EVL: variants seen among roughly 807,000 people sequenced by gnomAD.
The protein encoded by EVL is Enah/Vasp-like.
Under a neutral mutation model 59.6 loss-of-function variants are expected in EVL, and 21 were observed. The observed-to-expected ratio is 0.35, with a 90% CI of 0.25 to 0.51. The LOEUF is 0.51. Ranked by LOEUF, EVL falls within the 20% of genes least tolerant of loss-of-function variation. The pLI is 0.97. For missense variants in EVL, 462 were observed against 546.6 expected (o/e 0.85, Z 1.54); for synonymous variants, 198 against 203.5 (o/e 0.97, Z 0.23).
At chr14:100,141,821 G>T (rs1889186313) in intron 13 of EVL, 28 bp downstream of exon 13, 1 of 1,607,698 alleles carries the variant, frequency 6.2e-7, no homozygotes, top group Admixed American at 1.7e-5. Flanking sequence ...GGGGAGGGTG[G>T]CACCCAGGTG....
Position 100,109,465 on chromosome 14 carries a change from T to C in EVL, c.358+11807T>C. On this transcript the variant is annotated intron_variant, in intron 3 of 13. Coordinates refer to ENST00000392920, the MANE Select transcript of EVL (RefSeq NM_016337.3). This position sits in a 1 kb window ranked among gnomAD's most constrained non-coding sequence, Gnocchi z 4.3. ...ACTGTGAGCTCCTCGAGGGCAGGTG[T>C]CTGTTTCTGTGTCTCGGGAGCCCTG... 2.5e-6 allele frequency: 1 copy of C among 407,314 alleles called. No individual in the cohort carries two copies. The highest frequency in any genetic ancestry group is 5.0e-6 in the Non-Finnish European group (1 of 200,300). 25.2% of individuals were successfully genotyped at this position (407,314 alleles called of 1,614,324 possible). A position where few individuals can be genotyped will look rare whatever the true frequency, so the allele number is the denominator to read the frequency against.
intron 1 of EVL, among the ~76,000 whole-genome samples, chr14:100,007,122 G>C (rs1443224868): frequency 6.6e-6 from 1 of 152,044 alleles, no homozygotes; most frequent in Non-Finnish European, 1.5e-5. Context: ...GCCTCAACAG[G>C]TCCTGACGAT....
intron 1 of EVL, among the ~76,000 whole-genome samples, chr14:100,059,583 G>A (rs79847358): frequency 3.9e-5 from 6 of 152,324 alleles, no homozygotes; most frequent in Non-Finnish European, 8.8e-5. Flanking sequence ...GCTGAATGAT[G>A]ATGCCAGAGG....
intron 1 of EVL, chr14:99,978,051 C>T (rs1449566754): frequency 1.4e-5 from 2 of 147,052 alleles, no homozygotes; most frequent in Admixed American, 6.9e-5. Flanking sequence ...AAGCTGAGAT[C>T]TTGCCATTGT....
intron 1 of EVL, among the ~76,000 whole-genome samples, chr14:100,073,033 C>T (rs566428005): frequency 2.6e-5 from 4 of 152,254 alleles, no homozygotes; most frequent in African/African-American, 7.2e-5. Flanking sequence ...GCTGTGATTT[C>T]AAGCGTCTCT....
intron 1 of EVL, among the ~76,000 whole-genome samples, chr14:99,979,862 T>A (rs1025614197): frequency 6.6e-6 from 1 of 152,200 alleles, no homozygotes; most frequent in Non-Finnish European, 1.5e-5. Context: ...AGAGCGAGAC[T>A]CCGTCTCAAA....
intron 1 of EVL, among the ~76,000 whole-genome samples, chr14:100,020,017 T>C (rs2061093152): frequency 6.6e-6 from 1 of 152,212 alleles, no homozygotes; most frequent in Admixed American, 6.5e-5. Context: ...AGAATGAGTC[T>C]CTTGCTATCT....
At chr14:100,104,871 G>A (rs568653013) in intron 3 of EVL, among the ~76,000 whole-genome samples, 2 of 148,920 alleles carry the variant, frequency 1.3e-5, no homozygotes, top group Admixed American at 1.3e-4. Flanking sequence ...AAGGGTTTTA[G>A]GGGTATATAA....
rs2140415351 is a variant in EVL at position 100,143,950 on chromosome 14, G to A, written c.*212G>A. ...AGATTCTGCCTGACACGGAACACCA[G>A]GTCTGCTCGTCTTTTTTGTGTTTTA... On this transcript the variant is annotated 3_prime_UTR_variant, in exon 14 of 14. Transcript: ENST00000392920. 3.6e-6 allele frequency: 2 copies of A among 561,276 alleles called. No homozygotes were observed. The highest frequency in any genetic ancestry group is 2.7e-4 in the Middle Eastern group (1 of 3,716). The allele number at this position is 561,276 out of a possible 1,614,324, so 34.8% of individuals were successfully genotyped here. A position where few individuals can be genotyped will look rare whatever the true frequency, so the allele number is the denominator to read the frequency against.
chr14:100,008,755 A>G lies in EVL; in HGVS notation c.5+36698A>G, dbSNP rs58901752. Among the ~76,000 whole-genome samples, 1,699 of 152,288 alleles carry G rather than the reference A, an allele frequency of 0.011. 81 individuals are homozygous for G. The East Asian group carries it at 0.16, about 14-fold the overall frequency. On this transcript the variant is annotated intron_variant, in intron 1 of 13. Coordinates refer to the EVL transcript ENST00000402714. ...CAGTGTGGCATTAGCAATCCGTGGG[A>G]AGGTCTTAATCAATTTGTCCTTGTA...
chr14:100,049,150 C>G (rs2061605645), intron 1 of EVL, among the ~76,000 whole-genome samples: 1 of 152,192 alleles, frequency 6.6e-6, no homozygotes, highest in Admixed American at 6.5e-5. Flanking sequence ...TATTATGTTC[C>G]TTTGGATTTA....
chr14:99,989,719 A>G (rs908418331), intron 1 of EVL, among the ~76,000 whole-genome samples: 4 of 152,320 alleles, frequency 2.6e-5, no homozygotes, highest in Non-Finnish European at 4.4e-5. Context: ...GACCATTTTC[A>G]TTATTGTGGA....
chr14:100,060,612 C>G (rs1196030729), upstream of EVL, among the ~76,000 whole-genome samples: 1 of 151,994 alleles, frequency 6.6e-6, no homozygotes, highest in African/African-American at 2.4e-5. Flanking sequence ...TTACCAGTGC[C>G]TTGTGATAAT....
At chr14:100,129,533 A>C in intron 6 of EVL, 30 bp from the exon 7 acceptor site, 7 of 1,612,256 alleles carry the variant, frequency 4.3e-6, no homozygotes, top group Non-Finnish European at 5.1e-6. Context: ...TCAGCAGCAG[A>C]ATCTAAAACG....
chr14:100,061,813 GA>G (rs1277688585), upstream of EVL, among the ~76,000 whole-genome samples: 1 of 152,094 alleles, frequency 6.6e-6, no homozygotes, highest in Non-Finnish European at 1.5e-5. Context: ...AATCATAGGT[GA>G]AAATATGTTT....
intron 1 of EVL, among the ~76,000 whole-genome samples, chr14:100,068,891 T>G (rs543104272): frequency 6.6e-6 from 1 of 152,076 alleles, no homozygotes; most frequent in Non-Finnish European, 1.5e-5. Flanking sequence ...AAACGTGATA[T>G]GGATGTGTGA....
At chr14:100,019,602 A>G in intron 1 of EVL, 2 of 1,431,728 alleles carry the variant, frequency 1.4e-6, no homozygotes, top group Non-Finnish European at 1.9e-6. Context: ...GACTAACTAA[A>G]TGGTTGTCCT....
chr14:100,023,395 T>C (rs992139520), intron 1 of EVL, among the ~76,000 whole-genome samples: 2 of 141,736 alleles, frequency 1.4e-5, no homozygotes, highest in African/African-American at 2.7e-5. Context: ...TTTTTTTTTT[T>C]TGAGATGGAG....
At chr14:100,068,770 G>C (rs773992046) in intron 1 of EVL, among the ~76,000 whole-genome samples, 1 of 152,166 alleles carries the variant, frequency 6.6e-6, no homozygotes, top group African/African-American at 2.4e-5. Flanking sequence ...TGGGGTGCTA[G>C]CTGGAAGAAT....
Sources: allele counts gnomAD v4.1 joint callset (sites outside exome capture counted in the v4.1 genomes callset), GRCh38; gene constraint gnomAD v4.1.1; non-coding constraint Gnocchi (gnomAD v3.1); transcripts MANE v1.5; gene names NCBI Gene and HGNC (gene_info 2026-07-23, HGNC 2026-07-21).